Variants in HNF4G observed in about 807,000 individuals in gnomAD.
HNF4G encodes the protein hepatocyte nuclear factor 4-gamma.
In HNF4G, 21 loss-of-function variants were observed where a neutral mutation model predicts 50.9. The ratio of observed to expected loss-of-function variants is 0.41; its 90% CI spans 0.29 to 0.59. The LOEUF is 0.59. HNF4G is among the 20% of genes least tolerant of loss of function. HNF4G has a pLI of 0.26. For missense variants in HNF4G, 527 were observed against 559.4 expected (o/e 0.94, Z 0.58); for synonymous variants, 198 against 185.6 (o/e 1.07, Z -0.54).
intron 2 of HNF4G, among the ~76,000 whole-genome samples, chr8:75,503,127 C>G (rs1812975600): frequency 1.3e-5 from 2 of 152,106 alleles, no homozygotes; most frequent in South Asian, 4.1e-4. Flanking sequence ...ATAGGTAAAT[C>G]ATTCTCAAAT....
chr8:75,561,190 C>T (rs948939045), intron 9 of HNF4G, among the ~76,000 whole-genome samples: 4 of 152,042 alleles, frequency 2.6e-5, no homozygotes, highest in South Asian at 2.1e-4. Context: ...ATTTTCTTGC[C>T]GGTTTCACTT....
At chr8:75,481,297 C>T (rs1201958947) in intron 1 of HNF4G, among the ~76,000 whole-genome samples, 1 of 152,108 alleles carries the variant, frequency 6.6e-6, no homozygotes, top group African/African-American at 2.4e-5. Context: ...ACAGGAGTTA[C>T]CATACAAATT....
intron 1 of HNF4G, among the ~76,000 whole-genome samples, chr8:75,456,641 T>C (rs1811730900): frequency 6.6e-6 from 1 of 152,052 alleles, no homozygotes; most frequent in Non-Finnish European, 1.5e-5. Context: ...GTAACCAAAA[T>C]CTATTCCTAA....
At chr8:75,474,102 T>C (rs1345094588) in intron 1 of HNF4G, among the ~76,000 whole-genome samples, 5 of 152,308 alleles carry the variant, frequency 3.3e-5, no homozygotes, top group Admixed American at 2.6e-4. Flanking sequence ...AGAAGGTCTT[T>C]AAAAAGATTA....
chr8:75,522,223 T>G (rs2130747982), intron 2 of HNF4G, among the ~76,000 whole-genome samples: 1 of 152,354 alleles, frequency 6.6e-6, no homozygotes, highest in South Asian at 2.1e-4. Flanking sequence ...AAACTTTTTT[T>G]ATATGCCTAT....
chr8:75,433,011 G>A (rs938155389), intron 1 of HNF4G, among the ~76,000 whole-genome samples: 10 of 152,036 alleles, frequency 6.6e-5, no homozygotes, highest in Non-Finnish European at 8.8e-5. Context: ...TGAAGTCTTC[G>A]GATGTCTGTA....
intron 1 of HNF4G, among the ~76,000 whole-genome samples, chr8:75,476,998 CTT>C (rs1276362439): frequency 6.6e-6 from 1 of 152,088 alleles, no homozygotes; most frequent in African/African-American, 2.4e-5. Context: ...GATTATCTGT[CTT>C]ATCTATTTTC....
chr8:75,490,582 T>G (rs1406725519), intron 2 of HNF4G, among the ~76,000 whole-genome samples: 2 of 152,156 alleles, frequency 1.3e-5, no homozygotes, highest in African/African-American at 2.4e-5. Flanking sequence ...TGGGAAAGAG[T>G]TTCTATTAAT....
At position 75,448,287 on chromosome 8, in the gene HNF4G, G is replaced by A. The variant is rs1249247962; in HGVS notation, c.-144+40125G>A. On this transcript the variant is annotated intron_variant, in intron 1 of 10. Transcript: ENST00000354370. ...ACCACACTCTGGGGACTGTGGTGGG[G>A]TGGGGGGAGGGGGGAGGGATATCAT... Among the ~76,000 whole-genome samples the A allele has an allele frequency of 1.8e-4, 20 of 109,478 alleles. 1 individual carries two copies. The highest frequency in any genetic ancestry group is 6.6e-4 in the African/African-American group (19 of 28,922). 71.8% of individuals were successfully genotyped at this position (109,478 alleles called of 152,430 possible).
At chr8:75,416,655 C>CA (rs1412373253) in intron 1 of HNF4G, among the ~76,000 whole-genome samples, 1 of 152,128 alleles carries the variant, frequency 6.6e-6, no homozygotes, top group Non-Finnish European at 1.5e-5. Flanking sequence ...GTGATCAGTT[C>CA]AAAATCACTT....
Position 75,564,112 on chromosome 8 carries a change from A to T in HNF4G, c.*16A>T. The stretch of plus-strand genomic sequence containing the variant: ...GCAATTGTGAAAATGTGTTTACTTC[A>T]GAACGGCACTACATAAATGTGAAAA... On this transcript the variant is annotated 3_prime_UTR_variant, in exon 10 of 10. Transcript: ENST00000396423. 1 of 1,612,518 alleles carries T rather than the reference A, an allele frequency of 6.2e-7. No individual in the cohort carries two copies. The highest frequency in any genetic ancestry group is 8.5e-7 in the Non-Finnish European group (1 of 1,179,056).
rs1306256744 is a variant in HNF4G at position 75,558,886 on chromosome 8, G to T, written c.972G>T (p.Arg324=). The change falls in exon 8 of 10, where the codon CGG becomes CGT. Residue 324 remains arginine (R), a synonymous_variant. Coordinates refer to ENST00000396423, the MANE Select transcript of HNF4G (RefSeq NM_004133.5). ...GTTTGGAGGACTACATCAATGATCG[G>T]CAGTATGACTCCCGGGGGAGGTTTG... ...QIGLEDYIND[R]QYDSRGRFGE... 1.2e-6 allele frequency: 2 copies of T among 1,614,002 alleles called. No homozygotes were observed. The highest frequency in any genetic ancestry group is 1.7e-6 in the Non-Finnish European group (2 of 1,179,940).
At chr8:75,414,551 C>G (rs546568743) in intron 1 of HNF4G, among the ~76,000 whole-genome samples, 1 of 152,092 alleles carries the variant, frequency 6.6e-6, no homozygotes, top group Non-Finnish European at 1.5e-5. Flanking sequence ...CCTTGCATTC[C>G]CTTCCTTCCC....
chr8:75,415,871 C>T (rs1425279044), intron 1 of HNF4G, among the ~76,000 whole-genome samples: 1 of 152,100 alleles, frequency 6.6e-6, no homozygotes, highest in African/African-American at 2.4e-5. Context: ...AGGGCACTTT[C>T]CCAATAGGGC....
At chr8:75,487,054 C>T (rs554951596) in intron 1 of HNF4G, among the ~76,000 whole-genome samples, 1 of 152,118 alleles carries the variant, frequency 6.6e-6, no homozygotes, top group East Asian at 1.9e-4. Flanking sequence ...CCACTTACTT[C>T]AACAATTTAA....
At position 75,565,423 on chromosome 8, in the gene HNF4G, A is replaced by C. The variant is rs146872446; in HGVS notation, c.*1327A>C. 1.5e-3 allele frequency: 234 copies of C among 152,298 alleles called. No homozygotes were observed. The highest frequency in any genetic ancestry group is 5.2e-3 in the African/African-American group (218 of 41,574). The allele number at this position is 152,298 out of a possible 1,614,324, so 9.4% of individuals were successfully genotyped here. ...CGGATGGATTCTGATGAAAACGAAA[A>C]CAAAGTAAAATGACTGGCTTAGCAG... is the stretch of plus-strand genomic sequence containing the variant. On this transcript the variant is annotated 3_prime_UTR_variant, in exon 10 of 10. Coordinates refer to ENST00000396423, the MANE Select transcript of HNF4G (RefSeq NM_004133.5).
intron 1 of HNF4G, among the ~76,000 whole-genome samples, chr8:75,486,527 G>C (rs1812501646): frequency 6.6e-6 from 1 of 152,182 alleles, no homozygotes; most frequent in Non-Finnish European, 1.5e-5. Flanking sequence ...TTGCCTAAGA[G>C]TATTTCACAC....
At chr8:75,500,326 T>TTA in intron 2 of HNF4G, among the ~76,000 whole-genome samples, 1 of 152,192 alleles carries the variant, frequency 6.6e-6, no homozygotes, top group East Asian at 1.9e-4. Context: ...AGACAATGCT[T>TTA]TACATCCCCC....
chr8:75,491,846 CTT>C, intron 2 of HNF4G, among the ~76,000 whole-genome samples: 1 of 152,126 alleles, frequency 6.6e-6, no homozygotes, highest in East Asian at 1.9e-4. Context: ...ACCATGAAGA[CTT>C]ATAAGCAGAA....
Sources: gnomAD v4.1 joint callset for allele counts (sites outside exome capture counted in the v4.1 genomes callset) on GRCh38, gnomAD v4.1.1 for gene constraint, MANE v1.5 for transcripts, NCBI Gene and HGNC (gene_info 2026-07-23, HGNC 2026-07-21) for gene names.